CTDSP2: variants seen among roughly 807,000 people sequenced by gnomAD.
The protein encoded by CTDSP2 is CTD small phosphatase 2.
CTDSP2 carries 9 observed loss-of-function variants against 31.6 expected under a neutral mutation model. The ratio of observed to expected loss-of-function variants is 0.28; its 90% CI spans 0.17 to 0.50. The LOEUF (loss-of-function observed/expected upper bound fraction) is 0.50. Ranked by LOEUF, CTDSP2 falls within the 20% of genes least tolerant of loss-of-function variation. The pLI, the probability that CTDSP2 is intolerant of heterozygous loss-of-function variation, is 0.98. For missense variants in CTDSP2, 267 were observed against 348.5 expected, an observed-to-expected ratio of 0.77 and a Z score of 1.86; for synonymous variants, 134 against 134.5, an observed-to-expected ratio of 1.00 and a Z score of 0.03.
chr12:57,829,956 C>G (rs921132776), intron 1 of CTDSP2, among the ~76,000 whole-genome samples: 3 of 152,156 alleles, frequency 2.0e-5, no homozygotes, highest in Admixed American at 6.5e-5. Flanking sequence ...AACGTCAATT[C>G]CCAGGAAGAC....
intron 1 of CTDSP2, among the ~76,000 whole-genome samples, chr12:57,831,696 C>G (rs1463552580): frequency 6.6e-6 from 1 of 152,128 alleles, no homozygotes; most frequent in Non-Finnish European, 1.5e-5. Context: ...ACAGGGCAAA[C>G]TACTGTGCAG....
At position 57,823,525 on chromosome 12, in the gene CTDSP2, C is replaced by A; in HGVS notation, c.*77G>T. 1 of 1,547,354 alleles carries A rather than the reference C, an allele frequency of 6.5e-7. No homozygotes were observed. The highest frequency in any genetic ancestry group is 1.8e-5 in the Admixed American group (1 of 55,360). On this transcript the variant is annotated 3_prime_UTR_variant, in exon 8 of 8. Coordinates refer to ENST00000398073, the MANE Select transcript of CTDSP2 (RefSeq NM_005730.4). ...GTGTGGTGAGGCACTCCAGCTTCTA[C>A]TCTGTCACGCTGATCGTAAAGGCAC...
chr12:57,842,307 T>C (rs1235536427), intron 1 of CTDSP2: 1 of 152,198 alleles, frequency 6.6e-6, no homozygotes, highest in Admixed American at 6.5e-5. Flanking sequence ...TCTTTAGTAT[T>C]TACCATTTTA....
Position 57,823,306 on chromosome 12 carries a change from C to G in CTDSP2, c.*296G>C. On this transcript the variant is annotated 3_prime_UTR_variant, in exon 8 of 8. Transcript: ENST00000398073. ...GAGTCTTGGTCTTTCAGCTTCTCCC[C>G]CACTGAAACACTATACACTGGGGCC... 1 of 412,848 alleles carries G rather than the reference C, an allele frequency of 2.4e-6. No homozygotes were observed. The highest frequency in any genetic ancestry group is 2.6e-5 in the South Asian group (1 of 37,834). The allele number at this position is 412,848 out of a possible 1,614,324, so 25.6% of individuals were successfully genotyped here. A position where few individuals can be genotyped will look rare whatever the true frequency, so the allele number is the denominator to read the frequency against.
In CTDSP2 at chr12:57,829,582, A is replaced by C. The variant is rs1389694042; in HGVS notation, c.79T>G (p.Ser27Ala). 4 of 1,613,996 alleles carry C rather than the reference A, an allele frequency of 2.5e-6. No homozygotes were observed. The highest frequency in any genetic ancestry group is 3.4e-6 in the Non-Finnish European group (4 of 1,179,988). ...VLTKQGLVSK[S>A]SPKKPRGRNI... ...CGTCCACGAGGCTTCTTAGGAGAGG[A>C]CTTGGAGACCAGGCCTAGGGTGGAG... is the stretch of plus-strand genomic sequence containing the variant. The change falls in exon 2 of 8, where the codon TCC (serine) becomes GCC (alanine). Residue 27 changes from serine to alanine, a missense_variant. By Grantham distance (99) the Ser-to-Ala change is moderately conservative (BLOSUM62 1). This residue lies in a region of CTDSP2 where 111 missense variants were observed against 107.1 expected (regional missense o/e 1.04). Coordinates refer to ENST00000398073, the MANE Select transcript of CTDSP2 (RefSeq NM_005730.4).
intron 1 of CTDSP2, among the ~76,000 whole-genome samples, chr12:57,832,790 T>TAAAAAAAAAAACAAAAAAAAAAAA (rs1956224137): frequency 2.2e-5 from 1 of 44,898 alleles, no homozygotes; most frequent in Non-Finnish European, 3.7e-5. Context: ...AGACTCTGGC[T>TAAAAAAAAAAACAAAAAAAAAAAA]AAAAAAAAAA....
In CTDSP2 at chr12:57,837,655, C is replaced by T. The variant is rs192590716; in HGVS notation, c.65-8059G>A. 5.1e-4 allele frequency among the ~76,000 whole-genome samples: 77 copies of T among 152,212 alleles called. 1 individual carries two copies. Among genetic ancestry groups the T allele is most frequent in the African/African-American group, 1.8e-3 (75 of 41,520 alleles). On this transcript the variant is annotated intron_variant, in intron 1 of 7. Transcript: ENST00000398073. ...GCAGTGAGCCGAGATCACACCATTG[C>T]ACTCCAGCCTGGGGGACAGAGCAAA... is the stretch of plus-strand genomic sequence containing the variant.
chr12:57,839,035 G>A (rs1440064891), intron 1 of CTDSP2, among the ~76,000 whole-genome samples: 1 of 152,188 alleles, frequency 6.6e-6, no homozygotes, highest in Non-Finnish European at 1.5e-5. Context: ...AAACGAATCA[G>A]TCGCACACAC....
intron 1 of CTDSP2, among the ~76,000 whole-genome samples, chr12:57,834,321 T>C (rs79358031): frequency 0.02 from 3,105 of 152,158 alleles, 99 homozygotes; most frequent in African/African-American, 0.071. Flanking sequence ...CTTGGGAACT[T>C]TTGCTCTCTG....
At chr12:57,827,407 C>T (rs940996952) in intron 3 of CTDSP2, 145 bp downstream of exon 3, 1 of 861,394 alleles carries the variant, frequency 1.2e-6, no homozygotes, top group Admixed American at 2.0e-5. Context: ...AGCAGGCCCT[C>T]AACAAGTATG....
chr12:57,836,658 A>G, intron 1 of CTDSP2, among the ~76,000 whole-genome samples: 1 of 151,978 alleles, frequency 6.6e-6, no homozygotes, highest in Non-Finnish European at 1.5e-5. Flanking sequence ...AAAAAAGTGT[A>G]CATGTACAAA....
At chr12:57,835,856 G>A (rs1470358086) in intron 1 of CTDSP2, among the ~76,000 whole-genome samples, 2 of 152,186 alleles carry the variant, frequency 1.3e-5, no homozygotes, top group Non-Finnish European at 2.9e-5. Flanking sequence ...TCCAGGCTCT[G>A]CCAGTTACTG....
At position 57,821,191 on chromosome 12, in the gene CTDSP2, C is replaced by G. The variant is rs545893609; in HGVS notation, c.*2411G>C. The G allele has an allele frequency of 1.3e-5, 2 of 152,326 alleles. No homozygotes were observed. The highest frequency in any genetic ancestry group is 4.8e-5 in the African/African-American group (2 of 41,538). The allele number at this position is 152,326 out of a possible 1,614,324, so 9.4% of individuals were successfully genotyped here. A position where few individuals can be genotyped will look rare whatever the true frequency, so the allele number is the denominator to read the frequency against. On this transcript the variant is annotated 3_prime_UTR_variant, in exon 8 of 8. Transcript: ENST00000398073. ...CTGGCTCTGGTCCACAAGAACAGAC[C>G]CTGGCTAGGTTTGGCCGAGTAGCTT...
Position 57,821,478 on chromosome 12 carries a change from T to C in CTDSP2, c.*2124A>G, listed in dbSNP as rs972550412. On this transcript the variant is annotated 3_prime_UTR_variant, in exon 8 of 8. Transcript: ENST00000398073. Reference sequence around the variant, plus strand: ...GGCGGAAAGGGTCCTTGCAACTCAGTCAGCTTAGAGCCTCTTATTGCTTAT... The same window carrying C: ...GGCGGAAAGGGTCCTTGCAACTCAGCCAGCTTAGAGCCTCTTATTGCTTAT... 3.3e-5 allele frequency: 5 copies of C among 152,642 alleles called. No individual in the cohort carries two copies. The highest frequency in any genetic ancestry group is 1.2e-4 in the African/African-American group (5 of 41,444). 9.5% of individuals were successfully genotyped at this position (152,642 alleles called of 1,614,324 possible). A position where few individuals can be genotyped will look rare whatever the true frequency, so the allele number is the denominator to read the frequency against.
intron 3 of CTDSP2, 26 bp downstream of exon 3, chr12:57,827,526 G>A (rs377563332): frequency 1.9e-6 from 3 of 1,612,990 alleles, no homozygotes; most frequent in African/African-American, 2.7e-5. Context: ...TGGCTTCTGA[G>A]TACTTACCAG....
rs969101497 is a variant in CTDSP2 at position 57,846,711 on chromosome 12, T to C, written c.-276A>G. On this transcript the variant is annotated 5_prime_UTR_variant, in exon 1 of 8. Coordinates refer to ENST00000398073, the MANE Select transcript of CTDSP2 (RefSeq NM_005730.4). ...CTCAGTTTGGGTCCAACATGGAGAA[T>C]CCGGAGCGAAAACAAGAGGAGGAAA... 2 of 355,412 alleles carry C rather than the reference T, an allele frequency of 5.6e-6. No homozygotes were observed. Among genetic ancestry groups the C allele is most frequent in the Non-Finnish European group, 1.0e-5 (2 of 199,320 alleles). 22.0% of individuals were successfully genotyped at this position (355,412 alleles called of 1,614,324 possible).
chr12:57,830,416 C>A (rs10877023), intron 1 of CTDSP2, among the ~76,000 whole-genome samples: 48,896 of 151,028 alleles, frequency 0.32, 8,829 homozygotes, highest in East Asian at 0.72. Flanking sequence ...AACAAACAAA[C>A]AAAACCAACA....
intron 1 of CTDSP2, among the ~76,000 whole-genome samples, chr12:57,840,871 A>G (rs573660677): frequency 6.6e-5 from 10 of 152,262 alleles, no homozygotes; most frequent in Non-Finnish European, 1.3e-4. Flanking sequence ...AAAACAGGGC[A>G]TACACACTTT....
rs938186618 is a variant in CTDSP2 at position 57,846,448 on chromosome 12, C to T, written c.-13G>A. 2.5e-6 allele frequency: 4 copies of T among 1,578,206 alleles called. No homozygotes were observed. Among genetic ancestry groups the T allele is most frequent in the African/African-American group, 1.4e-5 (1 of 72,428 alleles). On this transcript the variant is annotated 5_prime_UTR_variant, in exon 1 of 8. Transcript: ENST00000398073. ...AGCCGTGTTCCATCTAACAATCCCG[C>T]GGGCCCGGGCTGGCTGGGCGGGAGG... is the stretch of plus-strand genomic sequence containing the variant.
Sources: gnomAD v4.1 joint callset for allele counts (sites outside exome capture counted in the v4.1 genomes callset) on GRCh38, gnomAD v4.1.1 for gene constraint, gnomAD v4.1.1 regional missense constraint, MANE v1.5 for transcripts, NCBI Gene and HGNC (gene_info 2026-07-23, HGNC 2026-07-21) for gene names.